GTF2I: variants seen among roughly 807,000 people sequenced by gnomAD.
GTF2I encodes the protein general transcription factor II-I.
GTF2I carries 12 observed loss-of-function variants against 67.6 expected under a neutral mutation model. The ratio of observed to expected loss-of-function variants is 0.18; its 90% CI spans 0.11 to 0.29. The LOEUF (loss-of-function observed/expected upper bound fraction) is 0.29. GTF2I is among the 10% of genes least tolerant of loss of function. The pLI, the probability that GTF2I is intolerant of heterozygous loss-of-function variation, is 1.00. For missense variants in GTF2I, 271 were observed against 580.1 expected, an observed-to-expected ratio of 0.47 and a Z score of 5.47; for synonymous variants, 149 against 197.0, an observed-to-expected ratio of 0.76 and a Z score of 2.04.
chr7:74,699,725 C>G, intron 4 of GTF2I: 1 of 154,858 alleles, frequency 6.5e-6, no homozygotes, highest in Admixed American at 6.3e-5. Context: ...TGAGGTTTTA[C>G]TGCAGGGTCA....
At chr7:74,662,886 G>C (rs1804649591) in intron 1 of GTF2I, among the ~76,000 whole-genome samples, 1 of 152,086 alleles carries the variant, frequency 6.6e-6, no homozygotes, top group African/African-American at 2.4e-5. Context: ...AATGGTTTTA[G>C]TTTACAGTTG....
chr7:74,733,042 C>T (rs1794624376), intron 15 of GTF2I, among the ~76,000 whole-genome samples: 1 of 147,102 alleles, frequency 6.8e-6, no homozygotes, highest in Non-Finnish European at 1.5e-5. Flanking sequence ...TCTCAGCTCA[C>T]TGCAACCTCT....
intron 12 of GTF2I, chr7:74,726,972 T>C (rs1251071621): frequency 3.9e-5 from 6 of 152,194 alleles, no homozygotes; most frequent in African/African-American, 1.4e-4. Flanking sequence ...GATAGATAGA[T>C]AGTTTTCTAT....
Position 74,711,079 on chromosome 7 carries a change from G to A in GTF2I, c.733G>A (p.Asp245Asn). Residue 245 changes from aspartate (D) to asparagine (N), a missense_variant, in exon 9 of 35, where the codon GAT becomes AAT. By Grantham distance (23) the Asp-to-Asn change is conservative. Coordinates refer to ENST00000573035, the MANE Select transcript of GTF2I (RefSeq NM_032999.4). ...AAVTVKEESE[D>N]PDYYQYNIQA... ...TGTGACAGTAAAGGAAGAATCAGAA[G>A]ATCCTGATTATTATCAATATAACAT... 2 of 1,515,820 alleles carry A rather than the reference G, an allele frequency of 1.3e-6. No individual in the cohort carries two copies. Among genetic ancestry groups the A allele is most frequent in the South Asian group, 1.2e-5 (1 of 82,302 alleles). 93.9% of individuals were successfully genotyped at this position (1,515,820 alleles called of 1,614,324 possible).
intron 8 of GTF2I, among the ~76,000 whole-genome samples, chr7:74,709,798 G>A (rs1032602341): frequency 2.6e-5 from 4 of 151,380 alleles, no homozygotes; most frequent in Non-Finnish European, 4.4e-5. Flanking sequence ...TCAGCCTCTC[G>A]GGTAGCTGGG....
intron 1 of GTF2I, among the ~76,000 whole-genome samples, chr7:74,679,059 C>T (rs952063543): frequency 2.7e-4 from 40 of 147,072 alleles, no homozygotes; most frequent in Middle Eastern, 4.3e-3. Flanking sequence ...CATGAGCCAC[C>T]GCGCCCAGCT....
chr7:74,679,506 C>T (rs587715693), intron 1 of GTF2I, among the ~76,000 whole-genome samples: 3 of 152,160 alleles, frequency 2.0e-5, no homozygotes, highest in East Asian at 3.9e-4. Flanking sequence ...TCAGTCAGTT[C>T]GTTTATGATG....
chr7:74,672,511 G>T (rs1212305885), intron 1 of GTF2I, among the ~76,000 whole-genome samples: 5 of 152,034 alleles, frequency 3.3e-5, no homozygotes, highest in East Asian at 3.9e-4. Flanking sequence ...CTGTACTCCG[G>T]CCTGGGCAAC....
intron 9 of GTF2I, among the ~76,000 whole-genome samples, chr7:74,712,832 A>G (rs989335285): frequency 3.9e-5 from 6 of 151,954 alleles, no homozygotes; most frequent in Non-Finnish European, 1.5e-5. Context: ...TCATCATGGT[A>G]GTTACACTGT....
intron 6 of GTF2I, among the ~76,000 whole-genome samples, chr7:74,702,752 G>C (rs879971224): frequency 1.3e-5 from 1 of 78,240 alleles, no homozygotes; most frequent in African/African-American, 5.0e-5. Flanking sequence ...TTTTTTTTTT[G>C]AGACAGGGTC....
intron 1 of GTF2I, among the ~76,000 whole-genome samples, chr7:74,668,173 C>CT (rs781864782): frequency 0.56 from 52,230 of 93,010 alleles, 15,926 homozygotes; most frequent in East Asian, 0.82. Context: ...TGGTGCAGAA[C>CT]TTTTTTTTTT....
chr7:74,659,366 T>C (rs2131164898), intron 1 of GTF2I, among the ~76,000 whole-genome samples: 1 of 152,134 alleles, frequency 6.6e-6, no homozygotes, highest in South Asian at 2.1e-4. Context: ...TGGCTGGGAC[T>C]ACAGGCGCAT....
chr7:74,661,667 G>A (rs1804508155), intron 1 of GTF2I, among the ~76,000 whole-genome samples: 1 of 140,142 alleles, frequency 7.1e-6, no homozygotes, highest in Non-Finnish European at 1.5e-5. Flanking sequence ...GCGACAGAGC[G>A]AGACTGTGTC....
intron 6 of GTF2I, among the ~76,000 whole-genome samples, chr7:74,701,135 C>T (rs1789679236): frequency 6.6e-6 from 1 of 152,134 alleles, no homozygotes; most frequent in Admixed American, 6.5e-5. Flanking sequence ...GGAAAGAGTT[C>T]ATGAGGAAGA....
intron 1 of GTF2I, among the ~76,000 whole-genome samples, chr7:74,658,441 C>G (rs1554384734): frequency 1.4e-5 from 2 of 145,274 alleles, no homozygotes; most frequent in African/African-American, 5.0e-5. Context: ...TGCGATCCCG[C>G]GCGCGAGCGA....
intron 1 of GTF2I, chr7:74,684,692 G>C (rs1311740341): frequency 6.6e-6 from 1 of 152,286 alleles, no homozygotes; most frequent in African/African-American, 2.4e-5. Context: ...GAAGGCCCGT[G>C]GGTCGCCCTT....
intron 1 of GTF2I, among the ~76,000 whole-genome samples, chr7:74,663,025 T>C (rs1303925564): frequency 6.6e-6 from 1 of 152,162 alleles, no homozygotes; most frequent in East Asian, 1.9e-4. Flanking sequence ...CAGGTTGTTA[T>C]CATCTAAAGG....
chr7:74,664,928 T>C (rs1241278912), intron 1 of GTF2I, among the ~76,000 whole-genome samples: 1 of 152,038 alleles, frequency 6.6e-6, no homozygotes, highest in East Asian at 1.9e-4. Context: ...TTCATCTTTG[T>C]ATGTTTCCCT....
intron 11 of GTF2I, among the ~76,000 whole-genome samples, chr7:74,717,476 G>A (rs1306114412): frequency 1.1e-4 from 16 of 152,108 alleles, no homozygotes; most frequent in Admixed American, 1.0e-3. Context: ...TTGAACGCCT[G>A]ACTGAGGTAC....
Sources: gnomAD v4.1 joint callset for allele counts (sites outside exome capture counted in the v4.1 genomes callset) on GRCh38, gnomAD v4.1.1 for gene constraint, MANE v1.5 for transcripts, NCBI Gene and HGNC (gene_info 2026-07-23, HGNC 2026-07-21) for gene names.